The following CYRIB variants were observed in gnomAD, a reference collection of about 807,000 sequenced individuals.
CYRIB encodes the protein CYFIP-related Rac1 interactor B.
In CYRIB, 8 loss-of-function variants were observed where a neutral mutation model predicts 44.2. That is an observed-to-expected ratio of 0.18 (90% CI 0.11 to 0.33). The LOEUF (loss-of-function observed/expected upper bound fraction) is 0.33. Ranked by LOEUF, CYRIB falls within the 10% of genes least tolerant of loss-of-function variation. CYRIB has a pLI of 1.00. For missense variants in CYRIB, 185 were observed against 382.8 expected (o/e 0.48, Z 4.31); for synonymous variants, 131 against 127.2 (o/e 1.03, Z -0.20).
At chr8:129,947,718 A>T (rs2094248264) in intron 2 of CYRIB, 2 of 152,198 alleles carry the variant, frequency 1.3e-5, no homozygotes, top group Admixed American at 6.5e-5. Flanking sequence ...CCATGTGGAC[A>T]CCCTTCCAAA....
chr8:129,956,024 C>T (rs2094806251), intron 2 of CYRIB, among the ~76,000 whole-genome samples: 2 of 152,182 alleles, frequency 1.3e-5, no homozygotes, highest in African/African-American at 2.4e-5. Context: ...AGCCCAGCAG[C>T]CCCATCTTTC....
intron 1 of CYRIB, among the ~76,000 whole-genome samples, chr8:130,006,326 A>T (rs1177155809): frequency 6.6e-6 from 1 of 150,424 alleles, no homozygotes; most frequent in African/African-American, 2.4e-5. Flanking sequence ...AAGAAAAAGA[A>T]TCTGGCTTGC....
At chr8:129,854,229 A>G in intron 7 of CYRIB, 37 bp downstream of exon 9, 1 of 1,431,546 alleles carries the variant, frequency 7.0e-7, no homozygotes, top group Non-Finnish European at 9.8e-7. Flanking sequence ...GCACTAAGTT[A>G]CTCTTACCAT....
chr8:129,905,362 C>T (rs1388244706), intron 1 of CYRIB, among the ~76,000 whole-genome samples: 6 of 152,256 alleles, frequency 3.9e-5, no homozygotes, highest in Admixed American at 3.3e-4. Context: ...GGACTACAGG[C>T]GCCTGCCACC....
intron 1 of CYRIB, among the ~76,000 whole-genome samples, chr8:129,937,332 T>C (rs1238150846): frequency 6.6e-6 from 1 of 152,220 alleles, no homozygotes; most frequent in East Asian, 1.9e-4. Flanking sequence ...AATGCATTAA[T>C]ACTTAGAAAG....
chr8:129,892,809 G>C (rs1207322786), intron 2 of CYRIB, among the ~76,000 whole-genome samples: 1 of 152,150 alleles, frequency 6.6e-6, no homozygotes, highest in African/African-American at 2.4e-5. Context: ...AGATGAATAA[G>C]AGAACTATAA....
At position 129,852,144 on chromosome 8, in the gene CYRIB, T is replaced by C. The variant is rs770805282; in HGVS notation, c.633+18A>G. On this transcript the variant is annotated intron_variant, in intron 8 of 11. Transcript: ENST00000519824. ...GGCATAAATAACAACACAGAGTACC[T>C]GCCTAGGCAATGCTTACCTCTGATA... 6.8e-7 allele frequency: 1 copy of C among 1,464,172 alleles called. No homozygotes were observed. Among genetic ancestry groups the C allele is most frequent in the Non-Finnish European group, 9.2e-7 (1 of 1,082,804 alleles). The allele number at this position is 1,464,172 out of a possible 1,614,324, so 90.7% of individuals were successfully genotyped here.
Position 129,925,959 on chromosome 8 carries a change from T to C in CYRIB, c.-50+13649A>G, listed in dbSNP as rs182246068. 2.4e-3 allele frequency among the ~76,000 whole-genome samples: 359 copies of C among 152,360 alleles called. 5 individuals are homozygous for C. The highest frequency in any genetic ancestry group is 8.2e-3 in the African/African-American group (340 of 41,578). ...CTAACAACACGTGTCAAAAACTCTT[T>C]TCCAACTTCCAACTTTCTGAATGAA... On this transcript the variant is annotated intron_variant, in intron 1 of 11. Coordinates refer to ENST00000519824, the Ensembl canonical transcript of CYRIB.
chr8:129,867,518 C>T (rs567251963), intron 4 of CYRIB, among the ~76,000 whole-genome samples: 1 of 151,546 alleles, frequency 6.6e-6, no homozygotes, highest in South Asian at 2.1e-4. Flanking sequence ...GGTGGTTAAT[C>T]CTAGACAATA....
At chr8:129,935,550 T>C (rs555953807) in intron 1 of CYRIB, among the ~76,000 whole-genome samples, 2 of 152,344 alleles carry the variant, frequency 1.3e-5, no homozygotes, top group South Asian at 4.1e-4. Flanking sequence ...GCTCACCTCC[T>C]GTGGTGCAGT....
At chr8:129,958,907 A>T (rs2131624690) in intron 2 of CYRIB, among the ~76,000 whole-genome samples, 1 of 151,920 alleles carries the variant, frequency 6.6e-6, no homozygotes, top group Non-Finnish European at 1.5e-5. Flanking sequence ...TCTACTAAAG[A>T]TACAAAAATT....
At chr8:129,874,401 G>A (rs191664583) in intron 3 of CYRIB, among the ~76,000 whole-genome samples, 5 of 151,976 alleles carry the variant, frequency 3.3e-5, no homozygotes, top group East Asian at 1.9e-4. Context: ...AATTGAAGTC[G>A]TTGTAATATA....
At chr8:129,902,207 TTTGTTTTTGTTTTTA>T (rs1366722875) in intron 2 of CYRIB, among the ~76,000 whole-genome samples, 2 of 152,030 alleles carry the variant, frequency 1.3e-5, no homozygotes, top group Non-Finnish European at 2.9e-5. Context: ...GGGCTGGATT[TTTGTTTTTGTTTTTA>T]TTGTTTTTGT....
intron 1 of CYRIB, among the ~76,000 whole-genome samples, chr8:129,995,742 C>T (rs2096750143): frequency 6.6e-6 from 1 of 152,234 alleles, no homozygotes; most frequent in Non-Finnish European, 1.5e-5. Context: ...CACATACACA[C>T]ACACATACTT....
In CYRIB at chr8:129,896,187, T is replaced by C. The variant is rs578075222; in HGVS notation, c.-11+7125A>G. On this transcript the variant is annotated intron_variant, in intron 2 of 11. Transcript: ENST00000519824. ...ACTCAATAAATATTTGTCAAATTAATAAATGAACAATTCAAGTAAAAAGCA... is the reference window on the plus strand; with the variant it reads ...ACTCAATAAATATTTGTCAAATTAACAAATGAACAATTCAAGTAAAAAGCA... Among the ~76,000 whole-genome samples the C allele has an allele frequency of 1.9e-3, 287 of 152,312 alleles. 6 individuals carry two copies. The highest frequency in any genetic ancestry group is 6.3e-3 in the African/African-American group (260 of 41,554).
chr8:129,918,908 C>T (rs1376199408), intron 1 of CYRIB, among the ~76,000 whole-genome samples: 1 of 152,146 alleles, frequency 6.6e-6, no homozygotes, highest in Non-Finnish European at 1.5e-5. Context: ...GTATCGTTAG[C>T]AGAAAACTGG....
chr8:129,951,765 C>A (rs1488428442), intron 2 of CYRIB, among the ~76,000 whole-genome samples: 1 of 151,798 alleles, frequency 6.6e-6, no homozygotes, highest in Non-Finnish European at 1.5e-5. Flanking sequence ...AATTAATATT[C>A]CCAATCTTCT....
intron 1 of CYRIB, among the ~76,000 whole-genome samples, chr8:129,988,910 G>A (rs551855702): frequency 7.2e-5 from 11 of 152,184 alleles, no homozygotes; most frequent in African/African-American, 2.6e-4. Context: ...TCATTGCAAC[G>A]TTGGGAGAGT....
intron 1 of CYRIB, among the ~76,000 whole-genome samples, chr8:130,014,272 A>G (rs1296660726): frequency 1.3e-5 from 2 of 152,156 alleles, no homozygotes; most frequent in Non-Finnish European, 2.9e-5. Flanking sequence ...TCTACAAAAC[A>G]TTAAAAAATT....
Sources: allele counts gnomAD v4.1 joint callset (sites outside exome capture counted in the v4.1 genomes callset), GRCh38; gene constraint gnomAD v4.1.1; transcripts MANE v1.5; gene names NCBI Gene and HGNC (gene_info 2026-07-23, HGNC 2026-07-21).